Variants in CREB5 observed in about 807,000 individuals in gnomAD.
CREB5 encodes the protein cyclic AMP-responsive element-binding protein 5.
A neutral mutation model predicts 57.1 loss-of-function variants in CREB5; 19 were observed. The ratio of observed to expected loss-of-function variants is 0.33; its 90% CI spans 0.23 to 0.49. The LOEUF is 0.49. Among genes scored for constraint, CREB5 ranks in the 20% least tolerant of loss-of-function variants. The pLI is 0.99. For missense variants in CREB5, 579 were observed against 671.6 expected, an observed-to-expected ratio of 0.86 and a Z score of 1.52; for synonymous variants, 238 against 238.3, an observed-to-expected ratio of 1.00 and a Z score of 0.01.
At chr7:28,599,683 A>AT (rs1796833026) in intron 5 of CREB5, among the ~76,000 whole-genome samples, 1 of 152,208 alleles carries the variant, frequency 6.6e-6, no homozygotes, top group South Asian at 2.1e-4. Flanking sequence ...TATCTGATGA[A>AT]TGAGTAACTT....
At chr7:28,563,475 G>T (rs1795357563) in intron 4 of CREB5, among the ~76,000 whole-genome samples, 1 of 152,092 alleles carries the variant, frequency 6.6e-6, no homozygotes, top group South Asian at 2.1e-4. Flanking sequence ...TTATACTATG[G>T]TACCTCTTGG....
Position 28,698,073 on chromosome 7 carries a change from G to A in CREB5, c.465-20680G>A, listed in dbSNP as rs367628801. 1.2e-4 allele frequency among the ~76,000 whole-genome samples: 18 copies of A among 152,076 alleles called. No individual in the cohort carries two copies. In the South Asian group the frequency reaches 1.5e-3, roughly 12 times the overall value. On this transcript the variant is annotated intron_variant, in intron 5 of 10. Coordinates refer to ENST00000357727, the MANE Select transcript of CREB5 (RefSeq NM_182898.4). ...AAGTGTAAATGAATCAGAAACATAC[G>A]GATTAAATTTCCCTTGAAAGACACA...
chr7:28,820,318 C>A lies in CREB5; in HGVS notation c.*1039C>A, dbSNP rs1426220723. The stretch of plus-strand genomic sequence containing the variant: ...CTGGTTTTATACGGCCTGCCTATAA[C>A]GTTGAAAATCCATGTACTACATAAT... On this transcript the variant is annotated 3_prime_UTR_variant, in exon 11 of 11. Coordinates refer to ENST00000357727, the MANE Select transcript of CREB5 (RefSeq NM_182898.4). The A allele has an allele frequency of 6.6e-6, 1 of 152,458 alleles. No individual in the cohort carries two copies. Among genetic ancestry groups the A allele is most frequent in the Non-Finnish European group, 1.5e-5 (1 of 68,020 alleles). 9.4% of individuals were successfully genotyped at this position (152,458 alleles called of 1,614,324 possible). A position where few individuals can be genotyped will look rare whatever the true frequency, so the allele number is the denominator to read the frequency against.
intron 1 of CREB5, among the ~76,000 whole-genome samples, chr7:28,438,884 T>G (rs1789072243): frequency 6.6e-6 from 1 of 152,170 alleles, no homozygotes; most frequent in South Asian, 2.1e-4. Context: ...CAGCAAGTTT[T>G]GAAATACAGG....
intron 1 of CREB5, among the ~76,000 whole-genome samples, chr7:28,382,401 C>A (rs1484668741): frequency 2.0e-5 from 3 of 151,982 alleles, no homozygotes; most frequent in Non-Finnish European, 2.9e-5. Context: ...GGCTCAGGGC[C>A]TCCTGAAGCA....
At chr7:28,641,504 C>T (rs1053338743) in intron 5 of CREB5, among the ~76,000 whole-genome samples, 2 of 152,158 alleles carry the variant, frequency 1.3e-5, no homozygotes, top group Non-Finnish European at 2.9e-5. Context: ...CAAGGTTCTC[C>T]TGACTTCCAG....
chr7:28,714,384 G>T (rs562053332), intron 5 of CREB5, among the ~76,000 whole-genome samples: 2 of 152,238 alleles, frequency 1.3e-5, no homozygotes, highest in South Asian at 4.1e-4. Flanking sequence ...ATACGTGGCA[G>T]ATCTGTCTGT....
intron 4 of CREB5, among the ~76,000 whole-genome samples, chr7:28,523,620 T>G (rs1395454447): frequency 6.6e-6 from 1 of 152,204 alleles, no homozygotes; most frequent in Non-Finnish European, 1.5e-5. Context: ...CTCATTTGTC[T>G]CTCATGTCTT....
At chr7:28,391,716 T>C (rs1175076723) in intron 1 of CREB5, among the ~76,000 whole-genome samples, 1 of 152,222 alleles carries the variant, frequency 6.6e-6, no homozygotes, top group Admixed American at 6.5e-5. Flanking sequence ...ATGTGGTTCT[T>C]CTCACCAAAT....
intron 7 of CREB5, among the ~76,000 whole-genome samples, chr7:28,776,634 C>G (rs1391350416): frequency 6.6e-6 from 1 of 152,182 alleles, no homozygotes; most frequent in Non-Finnish European, 1.5e-5. Flanking sequence ...ACCATCAACA[C>G]TATCTAATTT....
intron 1 of CREB5, chr7:28,435,493 C>A (rs1788923427): frequency 3.8e-6 from 1 of 265,060 alleles, no homozygotes; most frequent in East Asian, 1.8e-4. Context: ...CCTCTAGCTT[C>A]TGCTGGGCCG....
chr7:28,696,910 CACAT>C (rs889269229), intron 5 of CREB5, among the ~76,000 whole-genome samples: 14 of 151,438 alleles, frequency 9.2e-5, no homozygotes, highest in African/African-American at 3.4e-4. Context: ...ATTACATACA[CACAT>C]ATATGTGTAT....
chr7:28,717,036 G>C (rs992516999), intron 5 of CREB5, among the ~76,000 whole-genome samples: 4 of 150,942 alleles, frequency 2.7e-5, no homozygotes, highest in Non-Finnish European at 5.9e-5. Flanking sequence ...TAATACAACT[G>C]AGTGTAATTA....
intron 7 of CREB5, among the ~76,000 whole-genome samples, chr7:28,760,658 C>CTTTTTTTTTTTTTTTTTTTTTTTT (rs1562622534): frequency 1.3e-5 from 2 of 152,158 alleles, no homozygotes; most frequent in African/African-American, 4.8e-5. Flanking sequence ...ATAGCATTCT[C>CTTTTTTTTTTTTTTTTTTTTTTTT]TTATGAATAT....
In CREB5 at chr7:28,523,283, G is replaced by A. The variant is rs115343112; in HGVS notation, c.291+15546G>A. 6.2e-3 allele frequency among the ~76,000 whole-genome samples: 945 copies of A among 152,130 alleles called. 10 individuals are homozygous for A. The highest frequency in any genetic ancestry group is 0.021 in the African/African-American group (859 of 41,498). ...TATGTATTAATTTGTTTAAATGTTGGCTCTTAAAGGAAACTGCCACACACC... is the reference window on the plus strand; with the variant it reads ...TATGTATTAATTTGTTTAAATGTTGACTCTTAAAGGAAACTGCCACACACC... On this transcript the variant is annotated intron_variant, in intron 4 of 10. Transcript: ENST00000357727.
intron 1 of CREB5, among the ~76,000 whole-genome samples, chr7:28,323,823 T>C (rs995989605): frequency 6.6e-6 from 1 of 152,208 alleles, no homozygotes; most frequent in African/African-American, 2.4e-5. Context: ...CTCACTATAA[T>C]GTAGAATCAG....
chr7:28,446,086 C>A (rs1583471447), intron 1 of CREB5, among the ~76,000 whole-genome samples: 3 of 152,322 alleles, frequency 2.0e-5, no homozygotes, highest in African/African-American at 7.2e-5. Context: ...CCAGAAAATA[C>A]ACGTGACTCC....
intron 1 of CREB5, among the ~76,000 whole-genome samples, chr7:28,414,292 T>A (rs1337769551): frequency 6.6e-6 from 1 of 151,882 alleles, no homozygotes; most frequent in Non-Finnish European, 1.5e-5. Flanking sequence ...AAGGTCTTTT[T>A]TTTTTTTAGA....
intron 5 of CREB5, among the ~76,000 whole-genome samples, chr7:28,580,173 A>G (rs1484837696): frequency 2.0e-5 from 3 of 152,194 alleles, no homozygotes; most frequent in Non-Finnish European, 4.4e-5. Context: ...AAGGCAACCT[A>G]TAGATGCCTA....
Sources: gnomAD v4.1 joint callset for allele counts (sites outside exome capture counted in the v4.1 genomes callset) on GRCh38, gnomAD v4.1.1 for gene constraint, MANE v1.5 for transcripts, NCBI Gene and HGNC (gene_info 2026-07-23, HGNC 2026-07-21) for gene names.